The following DCC variants were observed in gnomAD, a reference collection of about 807,000 sequenced individuals.
DCC encodes DCC netrin 1 receptor.
In DCC, 58 loss-of-function variants were observed where a neutral mutation model predicts 172.5. The ratio of observed to expected loss-of-function variants is 0.34; its 90% CI spans 0.27 to 0.42. The LOEUF (loss-of-function observed/expected upper bound fraction) is 0.42, where lower values mean the gene tolerates loss of function less well. DCC is among the 10% of genes least tolerant of loss of function. The pLI is 1.00. For missense variants in DCC, 1,740 were observed against 1,791.0 expected (o/e 0.97, Z 0.51); for synonymous variants, 709 against 644.5 (o/e 1.10, Z -1.52).
chr18:52,742,709 AT>A (rs2145116631), intron 1 of DCC, among the ~76,000 whole-genome samples: 1 of 152,302 alleles, frequency 6.6e-6, no homozygotes, highest in Non-Finnish European at 1.5e-5. Context: ...AAGTGCTACC[AT>A]AAATGTGCCA....
At chr18:53,392,485 T>A in intron 17 of DCC, among the ~76,000 whole-genome samples, 1 of 152,172 alleles carries the variant, frequency 6.6e-6, no homozygotes, top group Non-Finnish European at 1.5e-5. Flanking sequence ...ATCACAGAGT[T>A]ATCTGACAAC....
chr18:52,949,183 A>G (rs1218455205), intron 5 of DCC, among the ~76,000 whole-genome samples: 1 of 152,190 alleles, frequency 6.6e-6, no homozygotes, highest in Non-Finnish European at 1.5e-5. Context: ...GGAAGCTTGA[A>G]CTGCAAGCTC....
intron 7 of DCC, among the ~76,000 whole-genome samples, chr18:53,131,807 C>T (rs913841338): frequency 6.6e-6 from 1 of 151,982 alleles, no homozygotes; most frequent in Admixed American, 6.6e-5. Context: ...CAGAGAAAAT[C>T]ATAGGTAGGT....
At chr18:53,051,249 G>A (rs1324423415) in intron 5 of DCC, among the ~76,000 whole-genome samples, 1 of 151,968 alleles carries the variant, frequency 6.6e-6, no homozygotes, top group Non-Finnish European at 1.5e-5. Context: ...ATACATACAT[G>A]TTCATGTTTT....
At chr18:53,063,570 G>C in intron 6 of DCC, 111 bp downstream of exon 6, 1 of 862,612 alleles carries the variant, frequency 1.2e-6, no homozygotes, top group South Asian at 1.6e-5. Context: ...GATTTTTTGT[G>C]ATGTGTTAAA....
intron 26 of DCC, among the ~76,000 whole-genome samples, chr18:53,490,679 C>A (rs1488888413): frequency 6.6e-6 from 1 of 152,160 alleles, no homozygotes; most frequent in African/African-American, 2.4e-5. Flanking sequence ...AAATGTCATG[C>A]CACTAAGCCA....
At chr18:52,982,514 A>C (rs1433755253) in intron 5 of DCC, among the ~76,000 whole-genome samples, 3 of 152,036 alleles carry the variant, frequency 2.0e-5, no homozygotes, top group Non-Finnish European at 1.5e-5. Context: ...CATTTCTCAG[A>C]CTCAGCAATA....
chr18:53,375,247 A>G (rs12957181), intron 15 of DCC, among the ~76,000 whole-genome samples: 62,702 of 110,410 alleles, frequency 0.57, 14,126 homozygotes, highest in African/African-American at 0.63. Context: ...TTATCTTTAT[A>G]GTTCTTTCTG....
chr18:52,777,773 A>G (rs1021472816), intron 2 of DCC, among the ~76,000 whole-genome samples: 6 of 152,008 alleles, frequency 3.9e-5, no homozygotes, highest in Admixed American at 2.0e-4. Flanking sequence ...CTCCAGGGAA[A>G]AAAAAAGATT....
intron 1 of DCC, among the ~76,000 whole-genome samples, chr18:52,698,000 C>T (rs7226746): frequency 0.24 from 35,732 of 152,050 alleles, 4,933 homozygotes; most frequent in South Asian, 0.4. Flanking sequence ...CTCTGTGAAA[C>T]TGAATCTAAT....
intron 1 of DCC, among the ~76,000 whole-genome samples, chr18:52,456,879 A>T (rs1345662286): frequency 6.6e-6 from 1 of 152,118 alleles, no homozygotes; most frequent in South Asian, 2.1e-4. Flanking sequence ...GGTCTTTCCA[A>T]TGTAAAGCAC....
intron 1 of DCC, among the ~76,000 whole-genome samples, chr18:52,631,905 A>G (rs1401648072): frequency 2.0e-5 from 3 of 152,190 alleles, no homozygotes; most frequent in Admixed American, 1.3e-4. Context: ...TGACAGTGGC[A>G]TTAAGGTAAA....
chr18:53,408,170 T>C lies in DCC; in HGVS notation c.2936-2282T>C, dbSNP rs867490987. ...GGGGTGTAGATTACTGAGGTTACCCTTGACCTGTAGTATTAGAAGCCTATT... is the reference window on the plus strand; with the variant it reads ...GGGGTGTAGATTACTGAGGTTACCCCTGACCTGTAGTATTAGAAGCCTATT... On this transcript the variant is annotated intron_variant, in intron 19 of 28. Transcript: ENST00000442544. Among the ~76,000 whole-genome samples, 7 of 152,176 alleles carry C rather than the reference T, an allele frequency of 4.6e-5. No individual in the cohort carries two copies. The South Asian group carries it at 8.3e-4, about 18-fold the overall frequency.
intron 2 of DCC, among the ~76,000 whole-genome samples, chr18:52,764,595 T>C (rs960734408): frequency 5.3e-5 from 8 of 152,222 alleles, no homozygotes; most frequent in African/African-American, 1.9e-4. Context: ...GTGATGTCTG[T>C]ACATGCTGGC....
At chr18:53,342,880 T>TA (rs1568068827) in intron 15 of DCC, among the ~76,000 whole-genome samples, 2 of 148,012 alleles carry the variant, frequency 1.4e-5, no homozygotes, top group East Asian at 2.0e-4. Context: ...TATATTTGAA[T>TA]TATTTTAAAT....
At chr18:52,800,593 A>G (rs766578056) in intron 2 of DCC, among the ~76,000 whole-genome samples, 11 of 152,186 alleles carry the variant, frequency 7.2e-5, no homozygotes, top group Non-Finnish European at 1.3e-4. Context: ...TTAGATGCAG[A>G]TAAAAAATAA....
At chr18:52,792,030 GA>G (rs1391974962) in intron 2 of DCC, among the ~76,000 whole-genome samples, 4 of 152,138 alleles carry the variant, frequency 2.6e-5, no homozygotes, top group Admixed American at 1.3e-4. Context: ...GTCTCTAGAA[GA>G]GGGGTGCAAT....
intron 1 of DCC, among the ~76,000 whole-genome samples, chr18:52,724,162 T>A (rs541125377): frequency 1.3e-5 from 2 of 152,230 alleles, no homozygotes; most frequent in South Asian, 2.1e-4. Flanking sequence ...ATACCTTTTT[T>A]AAAAAATACA....
intron 1 of DCC, among the ~76,000 whole-genome samples, chr18:52,460,702 A>G (rs1988603816): frequency 6.6e-6 from 1 of 152,186 alleles, no homozygotes; most frequent in African/African-American, 2.4e-5. Flanking sequence ...TATTCTGAAT[A>G]CTACAGGCAA....
Sources: gnomAD v4.1 joint callset for allele counts (sites outside exome capture counted in the v4.1 genomes callset) on GRCh38, gnomAD v4.1.1 for gene constraint, MANE v1.5 for transcripts, NCBI Gene and HGNC (gene_info 2026-07-23, HGNC 2026-07-21) for gene names.